Variants in VPS45 observed in about 807,000 individuals in gnomAD.
VPS45 encodes vacuolar protein sorting-associated protein 45.
A neutral mutation model predicts 75.9 loss-of-function variants in VPS45; 35 were observed. The ratio of observed to expected loss-of-function variants is 0.46; its 90% CI spans 0.35 to 0.61. VPS45 has a LOEUF of 0.61. Ranked by LOEUF, VPS45 falls within the 20% of genes least tolerant of loss-of-function variation. The pLI is 0.00. For synonymous variants in VPS45, 220 were observed against 238.2 expected (o/e 0.92, Z 0.70); for missense variants, 559 against 685.9 (o/e 0.81, Z 2.07).
chr1:150,084,125 A>G (rs1655880299), intron 10 of VPS45, among the ~76,000 whole-genome samples: 2 of 152,340 alleles, frequency 1.3e-5, no homozygotes, highest in East Asian at 1.9e-4. Context: ...GCAAAGATGT[A>G]GAAATATGCA....
At chr1:150,076,724 C>A (rs1655406270) in intron 4 of VPS45, 192 bp from the exon 5 acceptor site, 1 of 615,386 alleles carries the variant, frequency 1.6e-6, no homozygotes, top group Non-Finnish European at 2.8e-6. Context: ...ATTATTATTG[C>A]TACTGTTTTG....
At chr1:150,117,364 A>C (rs1657992761) in intron 14 of VPS45, among the ~76,000 whole-genome samples, 1 of 149,688 alleles carries the variant, frequency 6.7e-6, no homozygotes, top group Non-Finnish European at 1.5e-5. Flanking sequence ...TCTACTAAAA[A>C]TACAAAAATT....
chr1:150,106,806 A>G (rs1005416869), intron 13 of VPS45, among the ~76,000 whole-genome samples: 9 of 152,160 alleles, frequency 5.9e-5, no homozygotes, highest in Non-Finnish European at 1.0e-4. Context: ...AGCTTTTTGG[A>G]TAAAGAAGCC....
At chr1:150,140,390 TG>T (rs1659332015) in intron 14 of VPS45, among the ~76,000 whole-genome samples, 13 of 131,162 alleles carry the variant, frequency 9.9e-5, no homozygotes, top group African/African-American at 4.4e-4. Flanking sequence ...ACTTCTGGTG[TG>T]TGTGTGTGTG....
intron 13 of VPS45, among the ~76,000 whole-genome samples, chr1:150,103,338 A>G (rs952927203): frequency 6.6e-6 from 1 of 152,230 alleles, no homozygotes; most frequent in Non-Finnish European, 1.5e-5. Flanking sequence ...AAGGAATGAA[A>G]AGGAAAAATG....
At chr1:150,082,910 T>C in intron 10 of VPS45, 27 bp downstream of exon 10, 1 of 1,605,872 alleles carries the variant, frequency 6.2e-7, no homozygotes, top group Non-Finnish European at 8.5e-7. Context: ...GAGCACCTAC[T>C]ATGTGTAAGG....
intron 10 of VPS45, 122 bp downstream of exon 10, chr1:150,083,005 G>T: frequency 1.0e-6 from 1 of 959,918 alleles, no homozygotes; most frequent in Non-Finnish European, 1.5e-6. Flanking sequence ...GAGCTGACAT[G>T]AGAACACAAA....
At chr1:150,093,090 C>T (rs1656430097) in intron 12 of VPS45, among the ~76,000 whole-genome samples, 1 of 152,052 alleles carries the variant, frequency 6.6e-6, no homozygotes. Flanking sequence ...TTGTGATCTG[C>T]CCGCCTCGGC....
chr1:150,081,586 A>C, intron 8 of VPS45, 110 bp downstream of exon 8: 1 of 1,268,298 alleles, frequency 7.9e-7, no homozygotes, highest in South Asian at 1.4e-5. Context: ...AAAGGATGAT[A>C]GGGGCATCCT....
chr1:150,083,482 A>G (rs1346859469), intron 10 of VPS45, among the ~76,000 whole-genome samples: 2 of 151,966 alleles, frequency 1.3e-5, no homozygotes, highest in African/African-American at 4.8e-5. Flanking sequence ...AGCACTATGT[A>G]CTATATTAGA....
At chr1:150,143,330 T>G (rs1553815801) in intron 14 of VPS45, among the ~76,000 whole-genome samples, 1 of 152,048 alleles carries the variant, frequency 6.6e-6, no homozygotes, top group African/African-American at 2.4e-5. Context: ...TGGCTCACGC[T>G]TGTAATCCCA....
intron 10 of VPS45, among the ~76,000 whole-genome samples, chr1:150,091,553 A>G (rs1239401981): frequency 6.6e-6 from 1 of 152,218 alleles, no homozygotes; most frequent in Non-Finnish European, 1.5e-5. Flanking sequence ...CTGGTCAATC[A>G]TTAATACTAA....
intron 14 of VPS45, among the ~76,000 whole-genome samples, chr1:150,116,653 T>G (rs2101620738): frequency 6.6e-6 from 1 of 152,302 alleles, no homozygotes; most frequent in South Asian, 2.1e-4. Context: ...TGCAGAAGGT[T>G]TTATTACTTG....
intron 13 of VPS45, among the ~76,000 whole-genome samples, chr1:150,101,509 G>A (rs2101588221): frequency 6.6e-6 from 1 of 152,062 alleles, no homozygotes; most frequent in Non-Finnish European, 1.5e-5. Context: ...GCCGAGGTGG[G>A]CGGATCACAA....
At chr1:150,070,176 C>T (rs587751382) in intron 2 of VPS45, among the ~76,000 whole-genome samples, 34 of 152,236 alleles carry the variant, frequency 2.2e-4, no homozygotes, top group African/African-American at 7.5e-4. Flanking sequence ...ATCTTTATCT[C>T]CCTATTGTGT....
At chr1:150,121,566 C>T (rs1658232066) in intron 14 of VPS45, among the ~76,000 whole-genome samples, 1 of 152,062 alleles carries the variant, frequency 6.6e-6, no homozygotes, top group Admixed American at 6.6e-5. Flanking sequence ...TTGTATTAGC[C>T]AGATATATAT....
At chr1:150,105,229 C>G (rs1260709543) in intron 13 of VPS45, among the ~76,000 whole-genome samples, 1 of 152,108 alleles carries the variant, frequency 6.6e-6, no homozygotes, top group Non-Finnish European at 1.5e-5. Flanking sequence ...ACAAAGATGT[C>G]CACTCTCACT....
At chr1:150,096,990 C>T (rs748377772) in intron 13 of VPS45, among the ~76,000 whole-genome samples, 6 of 28,032 alleles carry the variant, frequency 2.1e-4, no homozygotes, top group Admixed American at 5.2e-4. Context: ...TACAATATTA[C>T]GTATTCTTTT....
intron 14 of VPS45, among the ~76,000 whole-genome samples, chr1:150,111,933 C>T (rs1170841861): frequency 2.0e-5 from 3 of 151,962 alleles, no homozygotes; most frequent in African/African-American, 4.8e-5. Flanking sequence ...CTGATGTAAA[C>T]GTCTTCTAGT....
Sources: gnomAD v4.1 joint callset for allele counts (sites outside exome capture counted in the v4.1 genomes callset) on GRCh38, gnomAD v4.1.1 for gene constraint, MANE v1.5 for transcripts, NCBI Gene and HGNC (gene_info 2026-07-23, HGNC 2026-07-21) for gene names.